Variants in QTMAN observed in about 807,000 individuals in gnomAD.
QTMAN encodes the protein queuosine-tRNA mannosyltransferase, also known as tRNA-queuosine alpha-mannosyltransferase.
the QTMAN span, among the ~76,000 whole-genome samples, chr2:144,111,016 A>G: frequency 6.6e-6 from 1 of 152,134 alleles, no homozygotes; most frequent in Non-Finnish European, 1.5e-5. Context: ...GACTCTATTA[A>G]TATAGGAAAA....
chr2:144,011,636 C>T, the QTMAN span: 5 of 905,540 alleles, frequency 5.5e-6, no homozygotes, highest in Non-Finnish European at 6.5e-6. Flanking sequence ...CTGTTCTATG[C>T]TAGTAAAAAA....
chr2:144,248,029 A>G, the QTMAN span, among the ~76,000 whole-genome samples: 2 of 152,190 alleles, frequency 1.3e-5, no homozygotes, highest in African/African-American at 4.8e-5. Context: ...CAACTATTCA[A>G]ATGTTAAACT....
chr2:144,129,806 T>C, the QTMAN span, among the ~76,000 whole-genome samples: 4 of 151,994 alleles, frequency 2.6e-5, no homozygotes, highest in Non-Finnish European at 5.9e-5. Flanking sequence ...TGTTTTAAAG[T>C]ACCACATTTA....
chr2:144,114,137 A>T, the QTMAN span, among the ~76,000 whole-genome samples: 1 of 152,202 alleles, frequency 6.6e-6, no homozygotes, highest in South Asian at 2.1e-4. Flanking sequence ...CTGTCATTAG[A>T]ACTTCCTGCC....
chr2:144,224,638 A>C, the QTMAN span, among the ~76,000 whole-genome samples: 3 of 152,204 alleles, frequency 2.0e-5, no homozygotes, highest in Non-Finnish European at 4.4e-5. Context: ...ACATCTAAAC[A>C]GAAATCAGAA....
the QTMAN span, among the ~76,000 whole-genome samples, chr2:144,238,402 T>C: frequency 6.6e-6 from 1 of 152,322 alleles, no homozygotes; most frequent in East Asian, 1.9e-4. Flanking sequence ...GTGTTTCTCA[T>C]GGCTTGTGCT....
chr2:143,969,188 A>G, the QTMAN span, among the ~76,000 whole-genome samples: 1 of 152,124 alleles, frequency 6.6e-6, no homozygotes, highest in Non-Finnish European at 1.5e-5. Context: ...TGCTTTGCCC[A>G]TGTTGTTTCC....
chr2:144,208,764 A>T, the QTMAN span: 1 of 1,613,030 alleles, frequency 6.2e-7, no homozygotes, highest in Non-Finnish European at 8.5e-7. Flanking sequence ...AGAATGCTTC[A>T]ATGATGAGGA....
the QTMAN span, among the ~76,000 whole-genome samples, chr2:144,112,914 C>T: frequency 2.6e-5 from 4 of 151,994 alleles, no homozygotes; most frequent in African/African-American, 9.7e-5. Flanking sequence ...CTCAGACGTC[C>T]ACCCCCATCT....
the QTMAN span, among the ~76,000 whole-genome samples, chr2:144,105,354 G>GA: frequency 6.6e-6 from 1 of 152,056 alleles, no homozygotes. Context: ...CTAAAAACTT[G>GA]AAAAAAGATT....
At chr2:144,119,400 C>T in the QTMAN span, among the ~76,000 whole-genome samples, 1 of 152,202 alleles carries the variant, frequency 6.6e-6, no homozygotes, top group Non-Finnish European at 1.5e-5. Context: ...AAATACCTTC[C>T]TGCTCCTGTT....
chr2:144,160,382 C>T, the QTMAN span, among the ~76,000 whole-genome samples: 21 of 152,200 alleles, frequency 1.4e-4, no homozygotes, highest in East Asian at 4.0e-3. Flanking sequence ...TAAGCTTGTA[C>T]CTTTCACTGT....
the QTMAN span, among the ~76,000 whole-genome samples, chr2:144,022,171 ATC>A: frequency 7.9e-5 from 12 of 152,038 alleles, no homozygotes; most frequent in Non-Finnish European, 1.8e-4. Context: ...TTGTGCAAAA[ATC>A]TCTCTGAATA....
At chr2:144,197,599 C>A in the QTMAN span, among the ~76,000 whole-genome samples, 4 of 151,954 alleles carry the variant, frequency 2.6e-5, no homozygotes, top group African/African-American at 9.7e-5. Flanking sequence ...TAATTTATAT[C>A]CCAAATCCTT....
chr2:144,239,975 T>C, the QTMAN span, among the ~76,000 whole-genome samples: 10 of 152,202 alleles, frequency 6.6e-5, no homozygotes, highest in African/African-American at 1.2e-4. Flanking sequence ...AAAGGCCTAG[T>C]AGTATATAGC....
At chr2:144,180,198 G>A in the QTMAN span, among the ~76,000 whole-genome samples, 11 of 152,166 alleles carry the variant, frequency 7.2e-5, no homozygotes, top group South Asian at 1.9e-3. Context: ...TGCACTGAAC[G>A]CTCACTGTTT....
the QTMAN span, among the ~76,000 whole-genome samples, chr2:144,102,010 A>C: frequency 6.6e-6 from 1 of 152,202 alleles, no homozygotes; most frequent in Non-Finnish European, 1.5e-5. Flanking sequence ...GTTTCCCATA[A>C]TTTAATTCTC....
chr2:144,145,592 T>A, the QTMAN span: 1 of 1,609,472 alleles, frequency 6.2e-7, no homozygotes, highest in Non-Finnish European at 8.5e-7. Flanking sequence ...TTTGGTTGTA[T>A]CCATATTGGA....
chr2:144,104,548 T>C, the QTMAN span, among the ~76,000 whole-genome samples: 1 of 152,018 alleles, frequency 6.6e-6, no homozygotes, highest in Non-Finnish European at 1.5e-5. Context: ...AAGGTGGCAG[T>C]GAGGCTGGGG....
Sources: gnomAD v4.1 joint callset for allele counts (sites outside exome capture counted in the v4.1 genomes callset) on GRCh38, gnomAD v4.1.1 for gene constraint, MANE v1.5 for transcripts, NCBI Gene and HGNC (gene_info 2026-07-23, HGNC 2026-07-21) for gene names.